ARMH3: variants seen among roughly 807,000 people sequenced by gnomAD.
ARMH3 encodes armadillo-like helical domain-containing protein 3.
A neutral mutation model predicts 99.1 loss-of-function variants in ARMH3; 60 were observed. The ratio of observed to expected loss-of-function variants is 0.61; its 90% CI spans 0.49 to 0.75. The LOEUF (loss-of-function observed/expected upper bound fraction) is 0.75. Among genes scored for constraint, ARMH3 ranks in the 30% least tolerant of loss-of-function variants. The pLI, the probability that ARMH3 is intolerant of heterozygous loss-of-function variation, is 0.00. For missense variants in ARMH3, 679 were observed against 843.1 expected, an observed-to-expected ratio of 0.81 and a Z score of 2.41; for synonymous variants, 285 against 292.8, an observed-to-expected ratio of 0.97 and a Z score of 0.27.
chr10:101,981,168 T>C (rs1263684380), intron 19 of ARMH3, among the ~76,000 whole-genome samples: 1 of 151,856 alleles, frequency 6.6e-6, no homozygotes, highest in Non-Finnish European at 1.5e-5. Context: ...CGTTTTTTTG[T>C]TTTTTTAAGA....
intron 23 of ARMH3, among the ~76,000 whole-genome samples, chr10:101,900,907 C>A (rs890689126): frequency 2.7e-4 from 41 of 151,878 alleles, no homozygotes; most frequent in African/African-American, 9.2e-4. Flanking sequence ...TTGCTTGAAC[C>A]CAGGAGTTTG....
chr10:101,888,308 T>C (rs1387928208), intron 24 of ARMH3, among the ~76,000 whole-genome samples: 1 of 151,748 alleles, frequency 6.6e-6, no homozygotes, highest in Non-Finnish European at 1.5e-5. Flanking sequence ...AAAAAGGAAA[T>C]GAAGGCCATT....
chr10:101,872,222 A>T lies in ARMH3; in HGVS notation c.1860+17190T>A, dbSNP rs192831056. ...ACTGACTTGGAGAAAATATTTAGAG[A>T]GTGTGTGTGTGTGTGTCTGTGTAAC... On this transcript the variant is annotated intron_variant, in intron 24 of 25. Coordinates refer to ENST00000370033, the MANE Select transcript of ARMH3 (RefSeq NM_024541.3). Among the ~76,000 whole-genome samples, 331 of 150,146 alleles carry T rather than the reference A, an allele frequency of 2.2e-3. 13 individuals are homozygous for T. In the East Asian group the frequency reaches 0.057, roughly 26 times the overall value.
Position 101,847,616 on chromosome 10 carries a change from C to T in ARMH3, c.1982G>A (p.Arg661Gln), listed in dbSNP as rs764000572. Residue 661 changes from arginine (R) to glutamine (Q), a missense_variant, in exon 26 of 26, where the codon CGA (arginine) becomes CAA (glutamine). Around this residue, in one of 3 missense-constraint regions of ARMH3, gnomAD observed 389 missense variants for 456.5 expected, o/e 0.85. Transcript: ENST00000370033. ...KEAAFFKELV[R>Q]SISTNVRRNL... ...TCTCCGGACGTTGGTGCTAATGGAT[C>T]GAACCTGGGAAAGGGTAGTTGGGGA... is the stretch of plus-strand genomic sequence containing the variant. The T allele has an allele frequency of 9.9e-6, 16 of 1,613,868 alleles. No homozygotes were observed. Among genetic ancestry groups the T allele is most frequent in the East Asian group, 2.2e-5 (1 of 44,896 alleles).
chr10:101,911,390 C>T (rs781584817), intron 23 of ARMH3, among the ~76,000 whole-genome samples: 14 of 152,054 alleles, frequency 9.2e-5, no homozygotes, highest in South Asian at 2.1e-4. Flanking sequence ...GATAATCCTG[C>T]GACATCTTGT....
chr10:101,986,913 C>T (rs1846537160), intron 19 of ARMH3, among the ~76,000 whole-genome samples: 2 of 152,088 alleles, frequency 1.3e-5, no homozygotes, highest in African/African-American at 4.8e-5. Flanking sequence ...CTCCATCTTC[C>T]CTAACCCCAG....
At chr10:102,022,234 A>C (rs1301596579) in intron 8 of ARMH3, among the ~76,000 whole-genome samples, 1 of 152,044 alleles carries the variant, frequency 6.6e-6, no homozygotes, top group African/African-American at 2.4e-5. Context: ...ACCACAAAAA[A>C]ATCAAATCTT....
chr10:101,849,210 AACAGCTC>A (rs1322452282), intron 25 of ARMH3, among the ~76,000 whole-genome samples: 1 of 152,176 alleles, frequency 6.6e-6, no homozygotes, highest in African/African-American at 2.4e-5. Context: ...TTTTCTTGAG[AACAGCTC>A]AGAGTACAGG....
chr10:101,966,288 T>TA (rs1311821013), intron 20 of ARMH3, among the ~76,000 whole-genome samples: 1 of 113,692 alleles, frequency 8.8e-6, no homozygotes, highest in Admixed American at 8.4e-5. Context: ...GGTTTGGGTT[T>TA]TTTTTTTTTT....
chr10:102,029,773 C>A, intron 4 of ARMH3, 28 bp from the exon 5 acceptor site: 1 of 1,600,142 alleles, frequency 6.2e-7, no homozygotes. Flanking sequence ...AGAATTCTTT[C>A]TGGAGAGGAA....
chr10:101,903,068 C>T (rs1318458727), intron 23 of ARMH3, among the ~76,000 whole-genome samples: 8 of 152,182 alleles, frequency 5.3e-5, no homozygotes, highest in Admixed American at 5.2e-4. Flanking sequence ...TTTCTTCCTC[C>T]TGAAAGGTGA....
intron 24 of ARMH3, among the ~76,000 whole-genome samples, chr10:101,872,319 T>C (rs1048473696): frequency 4.0e-5 from 6 of 151,834 alleles, no homozygotes; most frequent in African/African-American, 1.2e-4. Context: ...AATAATACAA[T>C]TTAAGAAAAG....
chr10:102,050,717 C>T (rs1200738778), intron 1 of ARMH3, among the ~76,000 whole-genome samples: 2 of 151,400 alleles, frequency 1.3e-5, no homozygotes, highest in Non-Finnish European at 1.5e-5. Context: ...AATTAGTCAG[C>T]GTGGTGGCAC....
intron 8 of ARMH3, 126 bp from the exon 9 acceptor site, chr10:102,014,150 C>T (rs1055364230): frequency 4.6e-5 from 31 of 677,898 alleles, no homozygotes; most frequent in African/African-American, 4.4e-4. Flanking sequence ...TCCTGATACA[C>T]AGTCCCAATC....
At chr10:101,988,296 T>G (rs186960341) in intron 19 of ARMH3, among the ~76,000 whole-genome samples, 1 of 152,098 alleles carries the variant, frequency 6.6e-6, no homozygotes, top group African/African-American at 2.4e-5. Flanking sequence ...AATGAAAAAA[T>G]TGAAACTACA....
Position 101,939,915 on chromosome 10 carries a change from C to T in ARMH3, c.1729G>A (p.Gly577Ser). The change falls in exon 23 of 26, where the codon GGC becomes AGC. Residue 577 changes from glycine to serine, a missense_variant. Around this residue, in one of 3 missense-constraint regions of ARMH3, gnomAD observed 389 missense variants for 456.5 expected, o/e 0.85. Coordinates refer to ENST00000370033, the MANE Select transcript of ARMH3 (RefSeq NM_024541.3). Reference protein sequence around the residue: ...SMVLRLSTNAGQWKEAASKVT... With the variant: ...SMVLRLSTNASQWKEAASKVT... ...TTGCTAGCTGCTTCCTTCCACTGGC[C>T]TGCATTGGTAGAAAGCCTCAGGACT... The T allele has an allele frequency of 6.2e-7, 1 of 1,613,744 alleles. No homozygotes were observed. Among genetic ancestry groups the T allele is most frequent in the Non-Finnish European group, 8.5e-7 (1 of 1,179,960 alleles).
At chr10:101,884,009 C>T (rs889474432) in intron 24 of ARMH3, among the ~76,000 whole-genome samples, 1 of 151,850 alleles carries the variant, frequency 6.6e-6, no homozygotes, top group African/African-American at 2.4e-5. Flanking sequence ...CACACACACA[C>T]ACACCCGCCA....
chr10:102,039,119 A>G (rs1329936883), intron 2 of ARMH3, among the ~76,000 whole-genome samples: 1 of 151,846 alleles, frequency 6.6e-6, no homozygotes, highest in Non-Finnish European at 1.5e-5. Context: ...GTACCCCTGC[A>G]GCATATCTAA....
At chr10:102,026,179 G>A (rs560369136) in intron 5 of ARMH3, among the ~76,000 whole-genome samples, 5 of 152,192 alleles carry the variant, frequency 3.3e-5, no homozygotes, top group Non-Finnish European at 7.4e-5. Flanking sequence ...ACAATAAAGA[G>A]AAGATGAAAA....
Sources: gnomAD v4.1 joint callset for allele counts (sites outside exome capture counted in the v4.1 genomes callset) on GRCh38, gnomAD v4.1.1 for gene constraint, gnomAD v4.1.1 regional missense constraint, MANE v1.5 for transcripts, NCBI Gene and HGNC (gene_info 2026-07-23, HGNC 2026-07-21) for gene names.